Variants in FRMD4A observed in about 807,000 individuals in gnomAD.
FRMD4A encodes FERM domain containing 4A, also known as FERM domain-containing protein 4A.
FRMD4A carries 29 observed loss-of-function variants against 129.1 expected under a neutral mutation model. The ratio of observed to expected loss-of-function variants is 0.22; its 90% confidence interval spans 0.17 to 0.31. FRMD4A has a LOEUF of 0.31. FRMD4A is among the 10% of genes least tolerant of loss of function. The pLI is 1.00. For missense variants in FRMD4A, 1,272 were observed against 1,375.8 expected, an observed-to-expected ratio of 0.92 and a Z score of 1.19; for synonymous variants, 634 against 571.6, an observed-to-expected ratio of 1.11 and a Z score of -1.56.
intron 15 of FRMD4A, among the ~76,000 whole-genome samples, chr10:13,682,313 C>T (rs191044714): frequency 5.9e-5 from 9 of 152,102 alleles, no homozygotes; most frequent in Admixed American, 2.0e-4. Context: ...AAGTCCATTT[C>T]GTGGACAAGC....
intron 2 of FRMD4A, among the ~76,000 whole-genome samples, chr10:14,246,371 G>A (rs1265878105): frequency 1.7e-5 from 1 of 59,398 alleles, no homozygotes; most frequent in Non-Finnish European, 3.3e-5. Flanking sequence ...ACAGAAATAA[G>A]AAAACACACA....
rs551611529 is a variant in FRMD4A at position 14,174,162 on chromosome 10, G to T, written c.45+155896C>A. Among the ~76,000 whole-genome samples, 108 of 152,032 alleles carry T rather than the reference G, an allele frequency of 7.1e-4. 1 individual carries two copies. The highest frequency in any genetic ancestry group is 6.2e-4 in the South Asian group (3 of 4,810). On this transcript the variant is annotated intron_variant, in intron 2 of 24. Transcript: ENST00000357447. ...GGAGCCGTGGTGGCTCCCCTCTCCC[G>T]GGTGGCGCCTCTGCACCGCCACCCG... is the stretch of plus-strand genomic sequence containing the variant.
intron 2 of FRMD4A, among the ~76,000 whole-genome samples, chr10:13,951,902 T>TAAC (rs1318798977): frequency 6.9e-6 from 1 of 144,368 alleles, no homozygotes; most frequent in East Asian, 2.0e-4. Context: ...ATAATAATAA[T>TAAC]AATAATAATA....
chr10:13,936,505 A>C (rs2095250415), intron 2 of FRMD4A, among the ~76,000 whole-genome samples: 1 of 152,152 alleles, frequency 6.6e-6, no homozygotes, highest in Non-Finnish European at 1.5e-5. Context: ...ATGAGGGTGA[A>C]GCCTCATGAA....
intron 2 of FRMD4A, among the ~76,000 whole-genome samples, chr10:13,919,291 A>G (rs2131252612): frequency 6.6e-6 from 1 of 152,332 alleles, no homozygotes; most frequent in East Asian, 1.9e-4. Flanking sequence ...TGACTTAGGA[A>G]GCTGTTCAGT....
chr10:13,983,445 A>G (rs911769655), intron 2 of FRMD4A, among the ~76,000 whole-genome samples: 2 of 152,158 alleles, frequency 1.3e-5, no homozygotes, highest in Non-Finnish European at 2.9e-5. Flanking sequence ...GAAAATCTAT[A>G]AGGACAATGA....
chr10:13,911,971 C>T (rs1302715729), intron 2 of FRMD4A, among the ~76,000 whole-genome samples: 1 of 152,164 alleles, frequency 6.6e-6, no homozygotes, highest in Non-Finnish European at 1.5e-5. Context: ...AATACTGAAG[C>T]ACCCAAACAG....
chr10:14,048,570 C>T (rs1834087871), intron 2 of FRMD4A, among the ~76,000 whole-genome samples: 3 of 151,952 alleles, frequency 2.0e-5, no homozygotes, highest in South Asian at 2.1e-4. Context: ...TTTTGAGAGG[C>T]GAAGGCAGGC....
At chr10:13,964,203 A>G (rs2131367208) in intron 2 of FRMD4A, among the ~76,000 whole-genome samples, 1 of 152,148 alleles carries the variant, frequency 6.6e-6, no homozygotes, top group Non-Finnish European at 1.5e-5. Flanking sequence ...TTCTACAAAT[A>G]GACCAAAGAA....
chr10:13,971,458 G>T (rs1413163564), intron 2 of FRMD4A, among the ~76,000 whole-genome samples: 1 of 152,080 alleles, frequency 6.6e-6, no homozygotes, highest in Non-Finnish European at 1.5e-5. Flanking sequence ...TCATGTTTAC[G>T]GTGCACTTCA....
chr10:14,150,755 A>G (rs979971035), intron 2 of FRMD4A, among the ~76,000 whole-genome samples: 2 of 152,188 alleles, frequency 1.3e-5, no homozygotes, highest in Non-Finnish European at 2.9e-5. Context: ...AAACACGCTT[A>G]CAGCCAGGAA....
At chr10:13,902,839 CA>C (rs113445035) in intron 2 of FRMD4A, among the ~76,000 whole-genome samples, 5,199 of 97,114 alleles carry the variant, frequency 0.054, 258 homozygotes, top group African/African-American at 0.16. Context: ...GATGCAGTCT[CA>C]AAAAAAAAAA....
intron 2 of FRMD4A, among the ~76,000 whole-genome samples, chr10:14,250,777 G>C (rs76114868): frequency 0.074 from 11,205 of 152,218 alleles, 518 homozygotes; most frequent in South Asian, 0.13. Context: ...CATGGGCACA[G>C]TGAGCAGAGA....
At chr10:13,799,406 C>T (rs1382060485) in intron 4 of FRMD4A, among the ~76,000 whole-genome samples, 2 of 152,226 alleles carry the variant, frequency 1.3e-5, no homozygotes, top group Admixed American at 6.5e-5. Context: ...AATCCACCTG[C>T]CTCGGCCTCC....
intron 2 of FRMD4A, among the ~76,000 whole-genome samples, chr10:13,982,665 C>T (rs2095566586): frequency 6.6e-6 from 1 of 152,186 alleles, no homozygotes. Context: ...GTCCATTAGA[C>T]ACATTTTGTC....
At chr10:14,144,751 A>T (rs1345583654) in intron 2 of FRMD4A, among the ~76,000 whole-genome samples, 1 of 152,136 alleles carries the variant, frequency 6.6e-6, no homozygotes, top group Non-Finnish European at 1.5e-5. Flanking sequence ...GCCTTGGGCC[A>T]AATAGGGAGT....
At chr10:13,759,924 A>AT (rs1353614584) in intron 8 of FRMD4A, among the ~76,000 whole-genome samples, 1 of 152,032 alleles carries the variant, frequency 6.6e-6, no homozygotes, top group Non-Finnish European at 1.5e-5. Flanking sequence ...AAGAGATGGC[A>AT]TTTGAGATCA....
intron 3 of FRMD4A, among the ~76,000 whole-genome samples, chr10:13,851,041 C>T (rs1248407898): frequency 6.6e-6 from 1 of 152,134 alleles, no homozygotes; most frequent in East Asian, 1.9e-4. Flanking sequence ...ACAGTGAAAT[C>T]CCGTCTTTAC....
At chr10:13,740,022 C>T (rs1394870834) in intron 11 of FRMD4A, among the ~76,000 whole-genome samples, 172 bp downstream of exon 11, 1 of 152,216 alleles carries the variant, frequency 6.6e-6, no homozygotes, top group Non-Finnish European at 1.5e-5. Context: ...ATCGCTTGAA[C>T]CCGGGAGGTG....
Sources: allele counts gnomAD v4.1 joint callset (sites outside exome capture counted in the v4.1 genomes callset), GRCh38; gene constraint gnomAD v4.1.1; transcripts MANE v1.5; gene names NCBI Gene and HGNC (gene_info 2026-07-23, HGNC 2026-07-21).